Variants in RIPOR2 observed in about 807,000 individuals in gnomAD.
The protein encoded by RIPOR2 is rho family-interacting cell polarization regulator 2.
RIPOR2 carries 39 observed loss-of-function variants against 114.5 expected under a neutral mutation model. The ratio of observed to expected loss-of-function variants is 0.34; its 90% CI spans 0.26 to 0.44. The LOEUF (loss-of-function observed/expected upper bound fraction) is 0.44. Ranked by LOEUF, RIPOR2 falls within the 20% of genes least tolerant of loss-of-function variation. The pLI, the probability that RIPOR2 is intolerant of heterozygous loss-of-function variation, is 1.00. For synonymous variants in RIPOR2, 445 were observed against 484.4 expected (o/e 0.92, Z 1.07); for missense variants, 1,007 against 1,255.1 (o/e 0.80, Z 2.99).
chr6:24,981,305 T>C (rs1474042438), intron 1 of RIPOR2, among the ~76,000 whole-genome samples: 1 of 152,246 alleles, frequency 6.6e-6, no homozygotes, highest in Non-Finnish European at 1.5e-5. Context: ...GCATTAATTC[T>C]TGCTTACCCT....
rs539895575 is a variant in RIPOR2, at chr6:24,890,485, A to G, written c.62-14668T>C. ...GACATAGAGTATGGAATGATAGACCATGGAGACTTGGGACAGTGGGGAGAG... is the reference window on the plus strand; with the variant it reads ...GACATAGAGTATGGAATGATAGACCGTGGAGACTTGGGACAGTGGGGAGAG... On this transcript the variant is annotated intron_variant, in intron 1 of 21. Transcript: ENST00000643898. Among the ~76,000 whole-genome samples the G allele has an allele frequency of 2.0e-5, 3 of 152,152 alleles. No individual in the cohort carries two copies. The South Asian group carries it at 6.2e-4, about 32-fold the overall frequency.
rs376074812 is a variant in RIPOR2 at position 24,960,276 on chromosome 6, A to G, written c.76+81575T>C. Among the ~76,000 whole-genome samples, 9 of 152,326 alleles carry G rather than the reference A, an allele frequency of 5.9e-5. No individual in the cohort carries two copies. In the South Asian group the frequency reaches 1.5e-3, roughly 25 times the overall value. ...CTGGAGGCTGGGAAGTCCAAGGTCA[A>G]GGCACCAGCAGTTTAGGTGTCTGCT... On this transcript the variant is annotated intron_variant, in intron 1 of 13. Coordinates refer to the RIPOR2 transcript ENST00000510784.
chr6:24,975,958 C>T (rs1360191098), intron 1 of RIPOR2, among the ~76,000 whole-genome samples: 1 of 152,094 alleles, frequency 6.6e-6, no homozygotes, highest in Non-Finnish European at 1.5e-5. Flanking sequence ...ACTATATACA[C>T]TTAATGATGA....
intron 19 of RIPOR2, among the ~76,000 whole-genome samples, chr6:24,818,962 T>A (rs1051513659): frequency 6.6e-6 from 1 of 152,012 alleles, no homozygotes. Context: ...CTCAGAGCTG[T>A]TTTTGATCCC....
chr6:24,981,894 T>C (rs1478187426), intron 1 of RIPOR2, among the ~76,000 whole-genome samples: 1 of 152,220 alleles, frequency 6.6e-6, no homozygotes, highest in East Asian at 1.9e-4. Context: ...GCTAATTATG[T>C]TTATTTACGC....
rs140184543 is a variant in RIPOR2 at position 24,842,676 on chromosome 6, C to A, written c.1857+186G>T. Among the ~76,000 whole-genome samples the A allele has an allele frequency of 3.7e-3, 567 of 152,252 alleles. 2 individuals carry two copies. The highest frequency in any genetic ancestry group is 0.012 in the African/African-American group (506 of 41,544). Reference sequence around the variant, plus strand: ...TCCTAATCAATTTAGATAAGTTGATCTGTTGTTTGGAAAATAAAACTTAAT... The same window carrying A: ...TCCTAATCAATTTAGATAAGTTGATATGTTGTTTGGAAAATAAAACTTAAT... On this transcript the variant is annotated intron_variant, in intron 13 of 21. Coordinates refer to ENST00000643898, the MANE Select transcript of RIPOR2 (RefSeq NM_001286445.3).
Position 24,830,594 on chromosome 6 carries a change from G to A in RIPOR2, c.2421C>T (p.His807=). ...GCTTCATCACTCTGTCCGCTGGGCT[G>A]TGGTAGACACCAACAGGGCTGCAGC... The part of the protein sequence containing the change: ...TKCCSPVGVY[H]SPADRVMKQL... Residue 807 remains histidine, a synonymous_variant, in exon 17 of 22, where the codon CAC becomes CAT. Coordinates refer to ENST00000643898, the MANE Select transcript of RIPOR2 (RefSeq NM_001286445.3). 1 of 1,551,572 alleles carries A rather than the reference G, an allele frequency of 6.4e-7. No homozygotes were observed. Among genetic ancestry groups the A allele is most frequent in the Non-Finnish European group, 8.7e-7 (1 of 1,146,976 alleles).
chr6:24,960,970 G>A (rs1314224015), intron 1 of RIPOR2, among the ~76,000 whole-genome samples: 2 of 152,190 alleles, frequency 1.3e-5, no homozygotes, highest in African/African-American at 4.8e-5. Flanking sequence ...TGGAAATCAA[G>A]GGATACTTTG....
Position 24,835,700 on chromosome 6 carries a change from T to C in RIPOR2, c.2208+3A>G. 6.4e-7 allele frequency: 1 copy of C among 1,551,484 alleles called. No homozygotes were observed. Among genetic ancestry groups the C allele is most frequent in the Non-Finnish European group, 8.7e-7 (1 of 1,146,766 alleles). On this transcript the variant is annotated splice_donor_region_variant and intron_variant, in intron 15 of 21. Transcript: ENST00000643898. ...TCAAACACAAATTCATCGCTGATCC[T>C]ACCTGCACGAGTTGGGTGCAGTACT...
rs374247296 is a variant in RIPOR2, at chr6:24,917,197, G to T, written c.61+18641C>A. Among the ~76,000 whole-genome samples the T allele has an allele frequency of 2.0e-3, 298 of 151,994 alleles. 2 individuals are homozygous for T. In the Middle Eastern group the frequency reaches 0.02, roughly 10 times the overall value. On this transcript the variant is annotated intron_variant, in intron 1 of 21. Coordinates refer to ENST00000643898, the MANE Select transcript of RIPOR2 (RefSeq NM_001286445.3). ...CTAGAATAGCCTTTTTGAATTTTTG[G>T]TCCCAAGACCATTTTATGCTTTTAA... is the stretch of plus-strand genomic sequence containing the variant.
At chr6:24,941,320 T>A (rs1772121632) in intron 1 of RIPOR2, among the ~76,000 whole-genome samples, 2 of 151,608 alleles carry the variant, frequency 1.3e-5, no homozygotes, top group Non-Finnish European at 2.9e-5. Flanking sequence ...GGCAAGGTCA[T>A]AACTATGGGT....
At chr6:24,912,276 G>T (rs1769686458) in intron 1 of RIPOR2, among the ~76,000 whole-genome samples, 1 of 152,094 alleles carries the variant, frequency 6.6e-6, no homozygotes, top group Non-Finnish European at 1.5e-5. Flanking sequence ...ATGAAAGATG[G>T]ATCACCCAGT....
At chr6:24,913,150 A>AGTGT (rs10598852) in intron 1 of RIPOR2, among the ~76,000 whole-genome samples, 5,828 of 149,314 alleles carry the variant, frequency 0.039, 163 homozygotes, top group African/African-American at 0.073. Context: ...GCATGACTTG[A>AGTGT]GTGTGTGTGT....
At chr6:24,994,498 G>T (rs551441469) in intron 1 of RIPOR2, among the ~76,000 whole-genome samples, 3 of 152,136 alleles carry the variant, frequency 2.0e-5, no homozygotes, top group African/African-American at 7.2e-5. Context: ...AAGCATTTCC[G>T]ATCTGTTGTA....
At chr6:24,876,707 T>A (rs1290256433) in intron 1 of RIPOR2, among the ~76,000 whole-genome samples, 4 of 152,156 alleles carry the variant, frequency 2.6e-5, no homozygotes, top group Admixed American at 6.5e-5. Flanking sequence ...TGTGATAATC[T>A]AGGTTAGATA....
At chr6:24,847,631 C>T (rs1562255413) in intron 12 of RIPOR2, 4 of 1,551,596 alleles carry the variant, frequency 2.6e-6, no homozygotes, top group Non-Finnish European at 3.5e-6. Context: ...AAGAAAGTGT[C>T]TTGCAAGGCA....
intron 4 of RIPOR2, among the ~76,000 whole-genome samples, chr6:24,871,830 G>A (rs897517217): frequency 6.6e-6 from 1 of 152,196 alleles, no homozygotes; most frequent in Non-Finnish European, 1.5e-5. Flanking sequence ...GTTCACTGTT[G>A]TTTTCCAGGA....
chr6:25,013,599 T>C (rs888344191), intron 1 of RIPOR2, among the ~76,000 whole-genome samples: 3 of 152,230 alleles, frequency 2.0e-5, no homozygotes, highest in African/African-American at 7.2e-5. Flanking sequence ...AAAATCTTTA[T>C]GTTTTAAATG....
chr6:25,034,539 T>TA (rs1180716289), intron 1 of RIPOR2, among the ~76,000 whole-genome samples: 1 of 152,196 alleles, frequency 6.6e-6, no homozygotes, highest in Non-Finnish European at 1.5e-5. Flanking sequence ...GCTATTCTGG[T>TA]AATTTTCTGT....
Sources: allele counts gnomAD v4.1 joint callset (sites outside exome capture counted in the v4.1 genomes callset), GRCh38; gene constraint gnomAD v4.1.1; transcripts MANE v1.5; gene names NCBI Gene and HGNC (gene_info 2026-07-23, HGNC 2026-07-21).